Variants in TULP3 observed in about 807,000 individuals in gnomAD.
TULP3 encodes TUB like protein 3.
Under a neutral mutation model 50.7 loss-of-function variants are expected in TULP3, and 38 were observed. The ratio of observed to expected loss-of-function variants is 0.75; its 90% CI spans 0.58 to 0.98. TULP3 has a LOEUF of 0.98. Among genes scored for constraint, TULP3 ranks in the 50% least tolerant of loss-of-function variants. TULP3 has a pLI of 0.00. For synonymous variants in TULP3, 183 were observed against 196.6 expected (o/e 0.93, Z 0.58); for missense variants, 550 against 568.0 (o/e 0.97, Z 0.32).
chr12:2,899,426 C>G (rs1275240956), intron 1 of TULP3, among the ~76,000 whole-genome samples: 1 of 151,768 alleles, frequency 6.6e-6, no homozygotes, highest in Non-Finnish European at 1.5e-5. Flanking sequence ...AGATTTGGCC[C>G]ACACGCTATA....
rs56027951 is a variant in TULP3, at chr12:2,911,664, C to CTTTTTTTT, written c.93+2120_93+2127dup. On this transcript the variant is annotated intron_variant, in intron 2 of 10. Coordinates refer to ENST00000448120, the MANE Select transcript of TULP3 (RefSeq NM_003324.5). ...ACAGGCGTGAGCCACTGCGCCCAGC[C>CTTTTTTTT]TTTTTTTTTTTTTTTTTTTTTTTTT... Among the ~76,000 whole-genome samples the CTTTTTTTT allele has an allele frequency of 2.0e-3, 77 of 38,160 alleles. 11 individuals carry two copies. The highest frequency in any genetic ancestry group is 4.7e-3 in the South Asian group (4 of 860). The allele number at this position is 38,160 out of a possible 152,430, so 25.0% of individuals were successfully genotyped here. A position where few individuals can be genotyped will look rare whatever the true frequency, so the allele number is the denominator to read the frequency against.
chr12:2,939,820 G>A lies in TULP3; in HGVS notation c.*376G>A, dbSNP rs56952750. ...AATATATAAAACACACACACACCCCGCGCACTCTCACTCCTTTTCCAGGTT... is the reference window on the plus strand; with the variant it reads ...AATATATAAAACACACACACACCCCACGCACTCTCACTCCTTTTCCAGGTT... On this transcript the variant is annotated 3_prime_UTR_variant, in exon 11 of 11. Coordinates refer to ENST00000448120, the MANE Select transcript of TULP3 (RefSeq NM_003324.5). The surrounding 1 kb of genome is among the most constrained non-coding windows in gnomAD (Gnocchi z 4.0). The A allele has an allele frequency of 3.5e-5, 41 of 1,182,730 alleles. No individual in the cohort carries two copies. In the East Asian group the frequency reaches 5.9e-4, roughly 17 times the overall value. 73.3% of individuals were successfully genotyped at this position (1,182,730 alleles called of 1,614,324 possible).
intron 2 of TULP3, among the ~76,000 whole-genome samples, chr12:2,909,966 C>T (rs2098184521): frequency 6.6e-6 from 1 of 152,182 alleles, no homozygotes; most frequent in Admixed American, 6.5e-5. Context: ...TGCGAAAATG[C>T]ATATCCGAGC....
chr12:2,911,224 T>C (rs865968188), intron 2 of TULP3, among the ~76,000 whole-genome samples: 3 of 152,158 alleles, frequency 2.0e-5, no homozygotes, highest in South Asian at 4.1e-4. Flanking sequence ...TGTTTTTACA[T>C]AGGTAATAAA....
Position 2,938,102 on chromosome 12 carries a change from C to T in TULP3, c.1024-12C>T, listed in dbSNP as rs1489378199. On this transcript the variant is annotated splice_polypyrimidine_tract_variant and intron_variant, in intron 9 of 10. Coordinates refer to ENST00000448120, the MANE Select transcript of TULP3 (RefSeq NM_003324.5). ...GTTCTCAGTACAAAGTAATGATTTT[C>T]CCTTTGGACAGAACCATGACAGTTT... is the stretch of plus-strand genomic sequence containing the variant. 9.3e-6 allele frequency: 15 copies of T among 1,613,826 alleles called. No individual in the cohort carries two copies. Among genetic ancestry groups the T allele is most frequent in the Non-Finnish European group, 1.2e-5 (14 of 1,179,930 alleles).
intron 1 of TULP3, among the ~76,000 whole-genome samples, chr12:2,895,501 G>T (rs972850776): frequency 6.6e-6 from 1 of 152,196 alleles, no homozygotes. Context: ...TTTTGTTCAA[G>T]CCAGATGTGT....
chr12:2,935,826 G>A (rs542542671), intron 8 of TULP3, among the ~76,000 whole-genome samples: 20 of 151,926 alleles, frequency 1.3e-4, no homozygotes, highest in Admixed American at 5.9e-4. Context: ...AAAATTAGCC[G>A]GGCATGGTGG....
chr12:2,932,062 G>A (rs2098198383), intron 6 of TULP3, among the ~76,000 whole-genome samples: 1 of 152,152 alleles, frequency 6.6e-6, no homozygotes, highest in African/African-American at 2.4e-5. Flanking sequence ...CCCTATTATG[G>A]TCCTAGTCTA....
At position 2,899,904 on chromosome 12, in the gene TULP3, AAAC is replaced by A. The variant is rs1565496766; in HGVS notation, c.41+8919_41+8921del. Among the ~76,000 whole-genome samples, 32 of 42,314 alleles carry A rather than the reference AAAC, an allele frequency of 7.6e-4. 2 individuals are homozygous for A. Among genetic ancestry groups the A allele is most frequent in the East Asian group, 2.9e-3 (3 of 1,024 alleles). 27.8% of individuals were successfully genotyped at this position (42,314 alleles called of 152,430 possible). On this transcript the variant is annotated intron_variant, in intron 1 of 10. Coordinates refer to ENST00000448120, the MANE Select transcript of TULP3 (RefSeq NM_003324.5). ...CGAGACTCCGTCTCAAAAAAAAAAC[AAAC>A]AAAAAAAAAAACAAAAAAAACTTGG... is the stretch of plus-strand genomic sequence containing the variant.
intron 1 of TULP3, among the ~76,000 whole-genome samples, chr12:2,906,374 A>G (rs896944963): frequency 2.7e-5 from 4 of 149,190 alleles, no homozygotes; most frequent in Non-Finnish European, 4.4e-5. Flanking sequence ...CATCCTGGCT[A>G]GAGTGGTGCA....
chr12:2,914,631 G>T (rs1387588298), intron 2 of TULP3, among the ~76,000 whole-genome samples: 1 of 152,028 alleles, frequency 6.6e-6, no homozygotes, highest in African/African-American at 2.4e-5. Flanking sequence ...AGTTTCACTA[G>T]GATACTCTTT....
chr12:2,913,201 TTGTGTGTGTGTG>T (rs138018559), intron 2 of TULP3, among the ~76,000 whole-genome samples: 2 of 146,486 alleles, frequency 1.4e-5, no homozygotes, highest in Non-Finnish European at 3.0e-5. Context: ...TATGTTGAGT[TTGTGTGTGTGTG>T]TGTGTGTGTA....
chr12:2,894,538 A>AACACACACACACACACACACACACAC (rs56834874), intron 1 of TULP3, among the ~76,000 whole-genome samples: 3 of 147,726 alleles, frequency 2.0e-5, no homozygotes, highest in African/African-American at 7.5e-5. Context: ...CCGTCTCAAA[A>AACACACACACACACACACACACACAC]ACACACACAC....
intron 1 of TULP3, among the ~76,000 whole-genome samples, chr12:2,904,863 C>T (rs1227036156): frequency 6.6e-6 from 1 of 152,006 alleles, no homozygotes; most frequent in Non-Finnish European, 1.5e-5. Flanking sequence ...CTTTGGGAGG[C>T]CGAGGTGGTC....
At chr12:2,891,957 G>T (rs578242056) in intron 1 of TULP3, among the ~76,000 whole-genome samples, 1 of 151,932 alleles carries the variant, frequency 6.6e-6, no homozygotes, top group Non-Finnish European at 1.5e-5. Flanking sequence ...ACGGTGGTGC[G>T]CGCCTGTAGT....
chr12:2,902,892 C>T (rs1323971312), intron 1 of TULP3, among the ~76,000 whole-genome samples: 2 of 148,376 alleles, frequency 1.3e-5, no homozygotes, highest in South Asian at 2.1e-4. Context: ...GACAGAGTCT[C>T]GCGCTGTTGC....
At chr12:2,893,682 T>C (rs1467232201) in intron 1 of TULP3, among the ~76,000 whole-genome samples, 1 of 150,572 alleles carries the variant, frequency 6.6e-6, no homozygotes, top group African/African-American at 2.5e-5. Flanking sequence ...TGCCTTTCAA[T>C]GTAAGGATAA....
chr12:2,891,064 G>C, intron 1 of TULP3, 76 bp downstream of exon 1: 1 of 1,429,734 alleles, frequency 7.0e-7, no homozygotes, highest in Non-Finnish European at 9.2e-7. Flanking sequence ...TCCTCTCCGG[G>C]AGCCCTGCGG....
intron 1 of TULP3, among the ~76,000 whole-genome samples, chr12:2,907,411 G>T (rs900963322): frequency 5.4e-5 from 8 of 149,430 alleles, no homozygotes; most frequent in South Asian, 2.1e-4. Flanking sequence ...GGAGGCAGAG[G>T]TTGCAGTGAG....
Sources: allele counts gnomAD v4.1 joint callset (sites outside exome capture counted in the v4.1 genomes callset), GRCh38; gene constraint gnomAD v4.1.1; non-coding constraint Gnocchi (gnomAD v3.1); transcripts MANE v1.5; gene names NCBI Gene and HGNC (gene_info 2026-07-23, HGNC 2026-07-21).